The following TECTA variants were observed in gnomAD, a reference collection of about 807,000 sequenced individuals.
TECTA encodes tectorin alpha.
TECTA carries 128 observed loss-of-function variants against 216.8 expected under a neutral mutation model. The observed-to-expected ratio is 0.59, with a 90% CI of 0.51 to 0.68. The LOEUF (loss-of-function observed/expected upper bound fraction) is 0.68. Ranked by LOEUF, TECTA falls within the 30% of genes least tolerant of loss-of-function variation. The pLI, the probability that TECTA is intolerant of heterozygous loss-of-function variation, is 0.00. For synonymous variants in TECTA, 1,089 were observed against 1,117.1 expected (o/e 0.97, Z 0.50); for missense variants, 2,551 against 2,786.2 (o/e 0.92, Z 1.90).
In TECTA at chr11:121,168,912, A is replaced by G. The variant is rs776269917; in HGVS notation, c.5986A>G (p.Ile1996Val). 3.1e-6 allele frequency: 5 copies of G among 1,614,152 alleles called. No individual in the cohort carries two copies. The highest frequency in any genetic ancestry group is 1.3e-5 in the African/African-American group (1 of 75,050). The change falls in exon 20 of 24, where the codon ATC becomes GTC. Residue 1996 changes from isoleucine (I) to valine (V), a missense_variant. Ile to Val is a conservative substitution (Grantham distance 29). This residue lies in a region of TECTA where 58 missense variants were observed against 105.9 expected (regional missense o/e 0.55). Coordinates refer to ENST00000392793, the MANE Select transcript of TECTA (RefSeq NM_005422.4). ...TAGCAATGATAAGCTCCGATATTTC[A>G]TCATTGAAGGAGGGTGAGTAGCCTC... ...RDSNDKLRYF[I>V]IEGGCQNLKD...
chr11:121,151,573 T>C (rs563780523), intron 12 of TECTA, among the ~76,000 whole-genome samples: 54 of 152,372 alleles, frequency 3.5e-4, no homozygotes, highest in African/African-American at 1.3e-3. Flanking sequence ...TGTATATGCA[T>C]AGAACACTTC....
chr11:121,161,381 C>T (rs924912704), intron 15 of TECTA, among the ~76,000 whole-genome samples: 4 of 151,898 alleles, frequency 2.6e-5, no homozygotes, highest in East Asian at 3.9e-4. Flanking sequence ...TACCATGCAT[C>T]GACCTACAGA....
intron 20 of TECTA, among the ~76,000 whole-genome samples, chr11:121,180,724 T>A (rs1225548285): frequency 6.6e-6 from 1 of 152,138 alleles, no homozygotes; most frequent in Non-Finnish European, 1.5e-5. Context: ...TGGACATCTT[T>A]TGCCCTTCTG....
At chr11:121,150,237 G>A (rs1946876649) in intron 12 of TECTA, among the ~76,000 whole-genome samples, 1 of 152,202 alleles carries the variant, frequency 6.6e-6, no homozygotes, top group African/African-American at 2.4e-5. Context: ...GGTAAAGCTG[G>A]CATTTCAAAT....
At chr11:121,128,400 G>A in intron 9 of TECTA, 56 bp downstream of exon 9, 1 of 1,541,602 alleles carries the variant, frequency 6.5e-7, no homozygotes, top group Non-Finnish European at 8.8e-7. Flanking sequence ...AGGAGGAGGA[G>A]CTCGCCATCC....
chr11:121,168,018 A>C (rs553572404), intron 18 of TECTA, 36 bp from the exon 19 acceptor site: 1 of 1,612,926 alleles, frequency 6.2e-7, no homozygotes, highest in South Asian at 1.1e-5. Context: ...ACTCACTCCC[A>C]GATGTAACGA....
At chr11:121,165,535 T>A (rs1056187637) in intron 17 of TECTA, 152 bp downstream of exon 17, 7 of 631,114 alleles carry the variant, frequency 1.1e-5, no homozygotes, top group Non-Finnish European at 1.9e-5. Context: ...ATCTGACTGC[T>A]TCAAAGTACA....
At chr11:121,120,587 C>A (rs969699735) in intron 7 of TECTA, among the ~76,000 whole-genome samples, 1 of 152,134 alleles carries the variant, frequency 6.6e-6, no homozygotes, top group African/African-American at 2.4e-5. Context: ...AAACACAGAC[C>A]CCCCTTCTCC....
chr11:121,114,580 C>CGT (rs1946478372), intron 6 of TECTA, among the ~76,000 whole-genome samples: 1 of 67,430 alleles, frequency 1.5e-5, no homozygotes, highest in African/African-American at 6.3e-5. Context: ...TATCCAGCTA[C>CGT]CCACCCACCC....
Position 121,189,779 on chromosome 11 carries a change from A to G in TECTA, c.6266A>G (p.Glu2089Gly). Reference protein sequence around the residue: ...PIRRKRLDWCEDNGGCEQICT... With the variant: ...PIRRKRLDWCGDNGGCEQICT... ...TCTTTTGTAGGGCTGGACTGGTGTG[A>G]GGACAATGGAGGGTGTGAGCAGATT... Residue 2089 changes from glutamate to glycine, a missense_variant, in exon 23 of 24, where the codon GAG becomes GGG. Transcript: ENST00000392793. 1 of 1,613,978 alleles carries G rather than the reference A, an allele frequency of 6.2e-7. No homozygotes were observed. The highest frequency in any genetic ancestry group is 2.2e-5 in the East Asian group (1 of 44,872).
At chr11:121,139,042 C>A (rs1162273950) in intron 11 of TECTA, among the ~76,000 whole-genome samples, 1 of 152,182 alleles carries the variant, frequency 6.6e-6, no homozygotes, top group Non-Finnish European at 1.5e-5. Flanking sequence ...TCGGGATTTC[C>A]TCAACTTTCT....
chr11:121,163,715 C>T (rs1228203909), intron 16 of TECTA, among the ~76,000 whole-genome samples: 3 of 152,212 alleles, frequency 2.0e-5, no homozygotes, highest in Admixed American at 1.3e-4. Context: ...ATACTCAAAG[C>T]TTCCCTCTAT....
In TECTA at chr11:121,165,650, A is replaced by C. The variant is rs77893776; in HGVS notation, c.5383+267A>C. Among the ~76,000 whole-genome samples the C allele has an allele frequency of 5.0e-3, 758 of 152,348 alleles. 9 individuals are homozygous for C. Among genetic ancestry groups the C allele is most frequent in the African/African-American group, 0.017 (710 of 41,576 alleles). On this transcript the variant is annotated intron_variant, in intron 17 of 23. Transcript: ENST00000392793. ...TTCAACATCAGAAAGGTCCAAATTG[A>C]TCTTTTAGATGCGCAAGGAAATAGG...
At chr11:121,129,242 G>A (rs1232033796) in intron 9 of TECTA, among the ~76,000 whole-genome samples, 4 of 152,216 alleles carry the variant, frequency 2.6e-5, no homozygotes, top group Non-Finnish European at 5.9e-5. Context: ...GAGGAGCTGG[G>A]ACACAGAAAA....
chr11:121,125,938 G>T (rs1018654607), intron 8 of TECTA, 66 bp downstream of exon 8: 8 of 1,553,284 alleles, frequency 5.2e-6, no homozygotes, highest in Non-Finnish European at 3.5e-6. Flanking sequence ...GGCTTTGGGG[G>T]CTCCTCCAAA....
In TECTA at chr11:121,125,389, A is replaced by T. The variant is rs138843691; in HGVS notation, c.1291A>T (p.Thr431Ser). Residue 431 changes from threonine to serine, a missense_variant, in exon 8 of 24, where the codon ACA becomes TCA. Thr to Ser is a moderately conservative substitution (Grantham distance 58). Transcript: ENST00000392793. ...GAGTGGCATATCTACTGCCGTGGAAACAGATTTTGGGCTCTTAGTGACTTT... is the reference window on the plus strand; with the variant it reads ...GAGTGGCATATCTACTGCCGTGGAATCAGATTTTGGGCTCTTAGTGACTTT... ...YQSGISTAVE[T>S]DFGLLVTFDG... is the part of the protein sequence containing the mutation. The T allele has an allele frequency of 5.7e-4, 923 of 1,614,080 alleles. No homozygotes were observed. Among genetic ancestry groups the T allele is most frequent in the Non-Finnish European group, 7.5e-4 (889 of 1,180,052 alleles).
At chr11:121,116,429 T>C (rs1946502515) in intron 6 of TECTA, among the ~76,000 whole-genome samples, 1 of 152,222 alleles carries the variant, frequency 6.6e-6, no homozygotes, top group Non-Finnish European at 1.5e-5. Context: ...GCCTCTCACC[T>C]GGGTCCTGGG....
At chr11:121,103,413 G>A (rs1361251758) in intron 2 of TECTA, among the ~76,000 whole-genome samples, 7 of 152,132 alleles carry the variant, frequency 4.6e-5, no homozygotes, top group Admixed American at 2.0e-4. Context: ...AGTGGCACAT[G>A]AGTACAAGTC....
At chr11:121,161,567 C>CTTCCCT (rs1947000242) in intron 15 of TECTA, among the ~76,000 whole-genome samples, 1 of 113,764 alleles carries the variant, frequency 8.8e-6, no homozygotes, top group African/African-American at 3.3e-5. Flanking sequence ...CTTCCCTTCC[C>CTTCCCT]TCCCCTTCCT....
Sources: gnomAD v4.1 joint callset for allele counts (sites outside exome capture counted in the v4.1 genomes callset) on GRCh38, gnomAD v4.1.1 for gene constraint, gnomAD v4.1.1 regional missense constraint, MANE v1.5 for transcripts, NCBI Gene and HGNC (gene_info 2026-07-23, HGNC 2026-07-21) for gene names.